OPCML: variants seen among roughly 807,000 people sequenced by gnomAD.
OPCML encodes opioid-binding protein/cell adhesion molecule.
A neutral mutation model predicts 37.8 loss-of-function variants in OPCML; 13 were observed. The ratio of observed to expected loss-of-function variants is 0.34; its 90% CI spans 0.22 to 0.55. The LOEUF (loss-of-function observed/expected upper bound fraction) is 0.55. Among genes scored for constraint, OPCML ranks in the 20% least tolerant of loss-of-function variants. OPCML has a pLI of 0.91. For missense variants in OPCML, 341 were observed against 435.6 expected, an observed-to-expected ratio of 0.78 and a Z score of 1.93; for synonymous variants, 176 against 168.8, an observed-to-expected ratio of 1.04 and a Z score of -0.33.
At chr11:133,004,046 T>C in intron 1 of OPCML, 7 of 985,246 alleles carry the variant, frequency 7.1e-6, no homozygotes, top group Non-Finnish European at 7.2e-6. Flanking sequence ...AAATGCCAGC[T>C]GGGAAGGAGG....
intron 3 of OPCML, among the ~76,000 whole-genome samples, chr11:132,592,364 A>T (rs2096485842): frequency 6.6e-6 from 1 of 152,240 alleles, no homozygotes; most frequent in Non-Finnish European, 1.5e-5. Flanking sequence ...TTAAAAACCC[A>T]ACCCAGGATA....
intron 2 of OPCML, among the ~76,000 whole-genome samples, chr11:132,673,315 A>G (rs538789667): frequency 2.0e-4 from 30 of 152,244 alleles, no homozygotes; most frequent in African/African-American, 7.0e-4. Flanking sequence ...GATGATCGTG[A>G]TGGTGGTGCA....
rs562056846 is a variant in OPCML at position 132,552,763 on chromosome 11, C to CTTTTTTTTTTTTTTTTTTTTTTTTTT, written c.380-23578_380-23577insAAAAAAAAAAAAAAAAAAAAAAAAAA. 7.5e-4 allele frequency among the ~76,000 whole-genome samples: 70 copies of CTTTTTTTTTTTTTTTTTTTTTTTTTT among 92,780 alleles called. 19 individuals carry two copies. The highest frequency in any genetic ancestry group is 2.0e-3 in the South Asian group (5 of 2,528). The allele number at this position is 92,780 out of a possible 152,430, so 60.9% of individuals were successfully genotyped here. A position where few individuals can be genotyped will look rare whatever the true frequency, so the allele number is the denominator to read the frequency against. On this transcript the variant is annotated intron_variant, in intron 3 of 7. Transcript: ENST00000524381. ...TAGTCAAACTAAATTAAACACTACT[C>CTTTTTTTTTTTTTTTTTTTTTTTTTT]TTTTTTTTTTTTTTTTGAGACCGAG...
At chr11:132,498,472 G>T (rs570459005) in intron 4 of OPCML, among the ~76,000 whole-genome samples, 7 of 152,212 alleles carry the variant, frequency 4.6e-5, no homozygotes, top group Admixed American at 4.6e-4. Flanking sequence ...TACAGGTTCA[G>T]TATTATATCT....
intron 2 of OPCML, among the ~76,000 whole-genome samples, chr11:132,751,339 T>C (rs919709331): frequency 2.6e-5 from 4 of 152,174 alleles, no homozygotes; most frequent in Non-Finnish European, 5.9e-5. Context: ...CTCTAAACAC[T>C]GCCACCAGCC....
intron 2 of OPCML, among the ~76,000 whole-genome samples, chr11:132,877,837 C>A (rs989518603): frequency 2.6e-5 from 4 of 152,310 alleles, no homozygotes; most frequent in Admixed American, 1.3e-4. Context: ...ACGTAAATTA[C>A]TATTAAGCGT....
chr11:132,849,930 G>T (rs1335142433), intron 2 of OPCML, among the ~76,000 whole-genome samples: 3 of 152,174 alleles, frequency 2.0e-5, no homozygotes, highest in African/African-American at 4.8e-5. Context: ...TAAGTTCTTT[G>T]CTGTGTCCAC....
At chr11:132,470,934 G>A (rs2096136326) in intron 4 of OPCML, among the ~76,000 whole-genome samples, 1 of 152,150 alleles carries the variant, frequency 6.6e-6, no homozygotes. Context: ...TCTTCAATAA[G>A]CCAACACTTA....
At chr11:132,529,998 C>T (rs1399828179) in intron 3 of OPCML, among the ~76,000 whole-genome samples, 1 of 152,142 alleles carries the variant, frequency 6.6e-6, no homozygotes, top group Non-Finnish European at 1.5e-5. Context: ...AGGTGACCTG[C>T]CTTTGTCCCT....
chr11:132,712,167 T>G (rs1422216068), intron 2 of OPCML, among the ~76,000 whole-genome samples: 1 of 151,978 alleles, frequency 6.6e-6, no homozygotes, highest in Non-Finnish European at 1.5e-5. Context: ...CTGCAGAAAA[T>G]GAGATTGGAT....
At chr11:133,525,779 T>C (rs1948477849) in intron 1 of OPCML, among the ~76,000 whole-genome samples, 1 of 152,170 alleles carries the variant, frequency 6.6e-6, no homozygotes, top group Non-Finnish European at 1.5e-5. Flanking sequence ...ATAGCCTGGT[T>C]TTCTCCACGT....
chr11:133,317,640 A>G (rs980100437), intron 1 of OPCML, among the ~76,000 whole-genome samples: 1 of 152,208 alleles, frequency 6.6e-6, no homozygotes, highest in South Asian at 2.1e-4. Flanking sequence ...ATGTTTATGG[A>G]GTATTTACTG....
At chr11:133,183,562 C>T (rs1246591049) in intron 1 of OPCML, among the ~76,000 whole-genome samples, 2 of 152,190 alleles carry the variant, frequency 1.3e-5, no homozygotes, top group African/African-American at 2.4e-5. Flanking sequence ...TCTTCCCAAA[C>T]CTCCTCTTCC....
chr11:132,850,523 GTGT>G (rs1043758957), intron 2 of OPCML, among the ~76,000 whole-genome samples: 11 of 118,968 alleles, frequency 9.2e-5, no homozygotes, highest in Non-Finnish European at 1.3e-4. Flanking sequence ...AAGGGTGTGT[GTGT>G]GTGTGTGTGT....
At chr11:133,257,181 G>C (rs1941338935) in intron 1 of OPCML, among the ~76,000 whole-genome samples, 1 of 152,148 alleles carries the variant, frequency 6.6e-6, no homozygotes, top group Admixed American at 6.5e-5. Flanking sequence ...AACTGAAGTG[G>C]ACAAAACCAG....
At chr11:132,670,445 T>G (rs1942422766) in intron 2 of OPCML, among the ~76,000 whole-genome samples, 2 of 152,076 alleles carry the variant, frequency 1.3e-5, no homozygotes, top group South Asian at 4.1e-4. Flanking sequence ...ACAAACCTCC[T>G]CCCCTTTTTG....
chr11:133,378,670 CTTTT>C (rs998867821), intron 1 of OPCML, among the ~76,000 whole-genome samples: 2 of 150,900 alleles, frequency 1.3e-5, no homozygotes, highest in Non-Finnish European at 2.9e-5. Context: ...TTCTTTCTTT[CTTTT>C]CTTTTCTTTC....
chr11:132,787,357 TATTACAGA>T (rs1017103944), intron 2 of OPCML, among the ~76,000 whole-genome samples: 9 of 152,206 alleles, frequency 5.9e-5, no homozygotes, highest in African/African-American at 2.2e-4. Context: ...GGAATGAAGG[TATTACAGA>T]ATTTGTTTAT....
intron 2 of OPCML, among the ~76,000 whole-genome samples, chr11:132,670,905 C>T (rs1942446309): frequency 6.6e-6 from 1 of 152,102 alleles, no homozygotes; most frequent in Admixed American, 6.6e-5. Flanking sequence ...ATCAGTTTTA[C>T]AGTTTGGAAA....
Sources: gnomAD v4.1 joint callset for allele counts (sites outside exome capture counted in the v4.1 genomes callset) on GRCh38, gnomAD v4.1.1 for gene constraint, MANE v1.5 for transcripts, NCBI Gene and HGNC (gene_info 2026-07-23, HGNC 2026-07-21) for gene names.